Variants in MERTK observed in about 807,000 individuals in gnomAD.
MERTK encodes the protein tyrosine-protein kinase Mer.
Under a neutral mutation model 99.3 loss-of-function variants are expected in MERTK, and 69 were observed. That is an observed-to-expected ratio of 0.70 (90% confidence interval 0.57 to 0.85). MERTK has a LOEUF of 0.85. MERTK is among the 40% of genes least tolerant of loss of function. The pLI is 0.00. For synonymous variants in MERTK, 426 were observed against 467.6 expected (o/e 0.91, Z 1.15); for missense variants, 1,125 against 1,249.4 (o/e 0.90, Z 1.50).
intron 8 of MERTK, among the ~76,000 whole-genome samples, chr2:111,984,898 T>C (rs1214951679): frequency 6.6e-6 from 1 of 152,156 alleles, no homozygotes; most frequent in East Asian, 1.9e-4. Flanking sequence ...ATCAGAATCA[T>C]CCACAATGTT....
chr2:111,930,105 A>G (rs1177351695), intron 2 of MERTK: 1 of 152,774 alleles, frequency 6.5e-6, no homozygotes. Context: ...CACCTGACCT[A>G]CATATCATAT....
chr2:111,947,565 C>CT lies in MERTK; in HGVS notation c.755_756insT (p.Gly253ArgfsTer11), dbSNP rs771343213. The CT allele has an allele frequency of 6.2e-7, 1 of 1,613,988 alleles. No individual in the cohort carries two copies. Among genetic ancestry groups the CT allele is most frequent in the East Asian group, 2.2e-5 (1 of 44,880 alleles). On this transcript the variant is annotated frameshift_variant and splice_region_variant, in exon 4 of 19. Coordinates refer to ENST00000295408, the MANE Select transcript of MERTK (RefSeq NM_006343.3). LOFTEE classifies it high-confidence loss of function. ...AAATCCCCCTCCGTGCTAACTGTTC[C>CT]AGGTAAGTCCGAGCTGTGGGCTTAT... is the stretch of plus-strand genomic sequence containing the variant.
chr2:111,913,318 T>C (rs1467468448), intron 1 of MERTK, among the ~76,000 whole-genome samples: 1 of 152,164 alleles, frequency 6.6e-6, no homozygotes, highest in Non-Finnish European at 1.5e-5. Flanking sequence ...CTTTCATCAG[T>C]GTTTTGTTGT....
chr2:111,968,046 A>T, intron 5 of MERTK, 91 bp from the exon 6 acceptor site: 1 of 893,730 alleles, frequency 1.1e-6, no homozygotes, highest in Non-Finnish European at 1.9e-6. Context: ...GAACGAAAAC[A>T]GGTATTAATG....
At chr2:111,944,518 C>A (rs1684924592) in intron 2 of MERTK, among the ~76,000 whole-genome samples, 8 of 152,308 alleles carry the variant, frequency 5.3e-5, no homozygotes, top group Admixed American at 1.3e-4. Flanking sequence ...AATAATTCCT[C>A]TGTTTTAAGG....
At chr2:111,968,356 C>A in intron 6 of MERTK, 104 bp downstream of exon 6, 1 of 884,348 alleles carries the variant, frequency 1.1e-6, no homozygotes, top group Non-Finnish European at 1.9e-6. Flanking sequence ...TTCTCCATCT[C>A]TGTACAGAGT....
chr2:111,927,371 A>G (rs1380877083), intron 1 of MERTK, among the ~76,000 whole-genome samples: 1 of 152,174 alleles, frequency 6.6e-6, no homozygotes, highest in Non-Finnish European at 1.5e-5. Context: ...ACCTAGAGGA[A>G]AAATTCCCAG....
intron 6 of MERTK, among the ~76,000 whole-genome samples, chr2:111,970,656 A>G (rs1170227841): frequency 6.6e-6 from 1 of 151,888 alleles, no homozygotes; most frequent in Non-Finnish European, 1.5e-5. Context: ...TAGAATAAGT[A>G]TGAAAGTCCT....
intron 2 of MERTK, among the ~76,000 whole-genome samples, chr2:111,932,909 T>G (rs1169975303): frequency 2.0e-5 from 3 of 152,184 alleles, no homozygotes; most frequent in Non-Finnish European, 4.4e-5. Context: ...AGGGCTGGCA[T>G]GTCTCAGGTC....
chr2:111,995,718 G>A (rs1050168423), intron 9 of MERTK, among the ~76,000 whole-genome samples: 4 of 152,190 alleles, frequency 2.6e-5, no homozygotes, highest in Non-Finnish European at 5.9e-5. Context: ...GGGAGGCCAA[G>A]GCAGGCAGAT....
intron 6 of MERTK, among the ~76,000 whole-genome samples, chr2:111,968,889 G>C (rs1676017966): frequency 3.3e-5 from 5 of 152,182 alleles, no homozygotes; most frequent in Admixed American, 2.6e-4. Flanking sequence ...AAGAGTTGAG[G>C]AACCCAGGCA....
At chr2:111,920,480 G>A (rs1684434926) in intron 1 of MERTK, among the ~76,000 whole-genome samples, 1 of 152,004 alleles carries the variant, frequency 6.6e-6, no homozygotes, top group East Asian at 1.9e-4. Flanking sequence ...AGTGGCCCAA[G>A]GGTCACTCCA....
chr2:111,954,576 C>A (rs1685114633), intron 4 of MERTK, among the ~76,000 whole-genome samples: 1 of 152,166 alleles, frequency 6.6e-6, no homozygotes, highest in African/African-American at 2.4e-5. Context: ...TACAAATAGT[C>A]CCCGAGTTTT....
intron 8 of MERTK, among the ~76,000 whole-genome samples, chr2:111,987,866 A>ATATATAT (rs1157692269): frequency 4.6e-5 from 7 of 152,074 alleles, no homozygotes; most frequent in Non-Finnish European, 8.8e-5. Context: ...GTTTTTATGG[A>ATATATAT]GTTCGTTGCT....
rs1330209374 is a variant in MERTK, at chr2:111,997,336, T to C, written c.1464T>C (p.Tyr488=). The change falls in exon 10 of 19, where the codon TAT becomes TAC. Residue 488 remains tyrosine (Y), a synonymous_variant. Coordinates refer to ENST00000295408, the MANE Select transcript of MERTK (RefSeq NM_006343.3). ...IFIPAHGWVD[Y]APSSTPAPGN... ...GTATCTCACCAGGTTGGGTAGATTATGCCCCCTCTTCAACTCCGGCGCCTG... is the reference window on the plus strand; with the variant it reads ...GTATCTCACCAGGTTGGGTAGATTACGCCCCCTCTTCAACTCCGGCGCCTG... The C allele has an allele frequency of 6.2e-7, 1 of 1,614,084 alleles. No homozygotes were observed. The highest frequency in any genetic ancestry group is 8.5e-7 in the Non-Finnish European group (1 of 1,180,006).
At chr2:111,938,540 G>A (rs899222656) in intron 2 of MERTK, among the ~76,000 whole-genome samples, 1 of 152,210 alleles carries the variant, frequency 6.6e-6, no homozygotes, top group Non-Finnish European at 1.5e-5. Context: ...GAGACATGCT[G>A]TGTGTGTATA....
rs147022942 is a variant in MERTK at position 111,910,039 on chromosome 2, C to T, written c.61+11243C>T. Among the ~76,000 whole-genome samples the T allele has an allele frequency of 2.4e-4, 36 of 152,240 alleles. 1 individual carries two copies. Among genetic ancestry groups the T allele is most frequent in the Admixed American group, 4.6e-4 (7 of 15,296 alleles). On this transcript the variant is annotated intron_variant, in intron 1 of 18. Coordinates refer to ENST00000295408, the MANE Select transcript of MERTK (RefSeq NM_006343.3). The stretch of plus-strand genomic sequence containing the variant: ...AGGAATCAGTCTAGGTGTCCATCAA[C>T]GGATGAATGGATAAAGAAAATGTGG...
chr2:112,028,489 A>G lies in MERTK; in HGVS notation c.2625A>G (p.Thr875=), dbSNP rs1558813604. 1.2e-6 allele frequency: 2 copies of G among 1,614,198 alleles called. No homozygotes were observed. The highest frequency in any genetic ancestry group is 4.5e-5 in the East Asian group (2 of 44,888). Residue 875 remains threonine, a synonymous_variant, in exon 19 of 19, where the codon ACA becomes ACG. Transcript: ENST00000295408. ...RNQADVIYVN[T]QLLESSEGLA... ...AAGCAGACGTTATTTACGTCAATAC[A>G]CAGTTGCTGGAGAGCTCTGAGGGCC...
intron 11 of MERTK, among the ~76,000 whole-genome samples, 176 bp downstream of exon 11, chr2:112,001,462 C>CTG (rs1298416581): frequency 6.6e-6 from 1 of 152,198 alleles, no homozygotes; most frequent in Non-Finnish European, 1.5e-5. Flanking sequence ...ATGCACAGCT[C>CTG]TGTGGGCTAA....
Sources: gnomAD v4.1 joint callset for allele counts (sites outside exome capture counted in the v4.1 genomes callset) on GRCh38, gnomAD v4.1.1 for gene constraint, MANE v1.5 for transcripts, NCBI Gene and HGNC (gene_info 2026-07-23, HGNC 2026-07-21) for gene names.